Variants in LGALS8 observed in about 807,000 individuals in gnomAD.
LGALS8 encodes galectin 8, also known as galectin-8.
A neutral mutation model predicts 35.9 loss-of-function variants in LGALS8; 30 were observed. The observed-to-expected ratio is 0.83, with a 90% confidence interval of 0.62 to 1.13. The LOEUF is 1.13. Ranked by LOEUF, LGALS8 falls within the 50% of genes most tolerant of loss-of-function variation. The probability of loss-of-function intolerance (pLI) is 0.00; values close to 1 mark genes in which losing one functional copy is unlikely to be tolerated. For missense variants in LGALS8, 366 were observed against 388.7 expected (o/e 0.94, Z 0.49); for synonymous variants, 138 against 136.1 (o/e 1.01, Z -0.10).
chr1:236,526,220 A>G lies in LGALS8; in HGVS notation c.45+105A>G, dbSNP rs374177667. The G allele has an allele frequency of 2.5e-6, 2 of 809,818 alleles. No individual in the cohort carries two copies. Among genetic ancestry groups the G allele is most frequent in the South Asian group, 1.6e-5 (1 of 63,658 alleles). The allele number at this position is 809,818 out of a possible 1,614,324, so 50.2% of individuals were successfully genotyped here. On this transcript the variant is annotated intron_variant, in intron 2 of 9. Transcript: ENST00000366584. The surrounding 1 kb of genome is among the most constrained non-coding windows in gnomAD (Gnocchi z 4.6). ...GGCAAGAATAAAAGCCAGTGAACAT[A>G]TTTAAAGCACCTACTATGTAATAGA...
intron 2 of LGALS8, among the ~76,000 whole-genome samples, chr1:236,528,109 A>G (rs952469089): frequency 2.7e-5 from 4 of 150,562 alleles, no homozygotes; most frequent in Non-Finnish European, 3.0e-5. Context: ...TCAGCTGGGC[A>G]TGGTGGCTCA....
Position 236,548,822 on chromosome 1 carries a change from C to T in LGALS8, c.*661C>T, listed in dbSNP as rs1662573917. 2.5e-6 allele frequency: 1 copy of T among 397,472 alleles called. No homozygotes were observed. Among genetic ancestry groups the T allele is most frequent in the Admixed American group, 4.4e-5 (1 of 22,720 alleles). The allele number at this position is 397,472 out of a possible 1,614,324, so 24.6% of individuals were successfully genotyped here. ...TGGCTCTATTAGCTGCAAGCTTTAC[C>T]AAGTAATTGGCATGACATCTGAGCA... On this transcript the variant is annotated 3_prime_UTR_variant, in exon 10 of 10. Transcript: ENST00000366584.
chr1:236,543,011 A>G (rs1381849433), intron 7 of LGALS8: 5 of 1,614,096 alleles, frequency 3.1e-6, no homozygotes, highest in Non-Finnish European at 4.2e-6. Context: ...GACTTGCACC[A>G]AAATACCACC....
rs754559090 is a variant in LGALS8 at position 236,547,976 on chromosome 1, G to A, written c.805-36G>A. ...TAACAAACACAAAATTTTAAACTAAGGGGAACCACTAATGGCATGTATCCT... is the reference window on the plus strand; with the variant it reads ...TAACAAACACAAAATTTTAAACTAAAGGGAACCACTAATGGCATGTATCCT... On this transcript the variant is annotated intron_variant, in intron 9 of 9. Transcript: ENST00000366584. 8 of 1,579,942 alleles carry A rather than the reference G, an allele frequency of 5.1e-6. No individual in the cohort carries two copies. In the South Asian group the frequency reaches 6.7e-5, roughly 13 times the overall value.
In LGALS8 at chr1:236,548,000, CTTTCCTTTCAGATGA is replaced by C; in HGVS notation, c.805-10_809del. 1 of 1,607,592 alleles carries C rather than the reference CTTTCCTTTCAGATGA, an allele frequency of 6.2e-7. No individual in the cohort carries two copies. Among genetic ancestry groups the C allele is most frequent in the South Asian group, 1.1e-5 (1 of 90,742 alleles). On this transcript the variant is annotated splice_acceptor_variant and splice_polypyrimidine_tract_variant and coding_sequence_variant and intron_variant, in exon 10 of 10. Coordinates refer to ENST00000366584, the MANE Select transcript of LGALS8 (RefSeq NM_201544.4). LOFTEE classifies it high-confidence loss of function. ...AGGGGAACCACTAATGGCATGTATCCTTTCCTTTCAGATGATAATTTATTGTGATGTTAGAGAATT... is the reference window on the plus strand; with the variant it reads ...AGGGGAACCACTAATGGCATGTATCCTAATTTATTGTGATGTTAGAGAATT...
Position 236,548,456 on chromosome 1 carries a change from A to G in LGALS8, c.*295A>G, listed in dbSNP as rs912339203. 2.9e-5 allele frequency: 11 copies of G among 382,252 alleles called. No individual in the cohort carries two copies. The East Asian group carries it at 4.0e-4, about 14-fold the overall frequency. 23.7% of individuals were successfully genotyped at this position (382,252 alleles called of 1,614,324 possible). On this transcript the variant is annotated 3_prime_UTR_variant, in exon 10 of 10. Coordinates refer to ENST00000366584, the MANE Select transcript of LGALS8 (RefSeq NM_201544.4). ...AACAAGTATTTATGGAGTACCTACT[A>G]TAATACAGTAGCTAACATGTATTGA...
chr1:236,521,191 G>C (rs931702718), upstream of LGALS8, among the ~76,000 whole-genome samples: 8 of 152,232 alleles, frequency 5.3e-5, no homozygotes, highest in African/African-American at 1.9e-4. Flanking sequence ...TAGTATATTA[G>C]CATGACAAAT....
At position 236,526,778 on chromosome 1, in the gene LGALS8, T is replaced by A. The variant is rs1189245750; in HGVS notation, c.45+663T>A. ...TCGAGGTCTGAAAAAGGACAGCCAC[T>A]TTTTTAGTAAACCGCCTAGAAGATT... On this transcript the variant is annotated intron_variant, in intron 2 of 9. Coordinates refer to ENST00000366584, the MANE Select transcript of LGALS8 (RefSeq NM_201544.4). The surrounding 1 kb of genome is among the most constrained non-coding windows in gnomAD (Gnocchi z 4.6). 6.6e-6 allele frequency among the ~76,000 whole-genome samples: 1 copy of A among 152,198 alleles called. No individual in the cohort carries two copies. The highest frequency in any genetic ancestry group is 2.4e-5 in the African/African-American group (1 of 41,462).
At chr1:236,541,887 A>T (rs934662402) in intron 6 of LGALS8, among the ~76,000 whole-genome samples, 177 bp downstream of exon 6, 1 of 152,124 alleles carries the variant, frequency 6.6e-6, no homozygotes, top group Non-Finnish European at 1.5e-5. Flanking sequence ...TTTGCTGATG[A>T]TTCACCTGTC....
chr1:236,529,826 G>A (rs1458696191), intron 2 of LGALS8, among the ~76,000 whole-genome samples: 1 of 151,802 alleles, frequency 6.6e-6, no homozygotes, highest in Non-Finnish European at 1.5e-5. Context: ...TTGTTCTTTT[G>A]TATTTTAGTA....
chr1:236,525,856 C>A (rs772342443), intron 1 of LGALS8, 112 bp from the exon 2 acceptor site: 13 of 403,384 alleles, frequency 3.2e-5, no homozygotes, highest in Non-Finnish European at 4.4e-5. Context: ...TAATAATATT[C>A]TATTATTTGG....
In LGALS8 at chr1:236,539,090, G is replaced by A. The variant is rs1661777075; in HGVS notation, c.345+1G>A. 4 of 1,613,242 alleles carry A rather than the reference G, an allele frequency of 2.5e-6. No homozygotes were observed. In the East Asian group the frequency reaches 8.9e-5, roughly 36 times the overall value. On this transcript the variant is annotated splice_donor_variant, in intron 4 of 9. Coordinates refer to ENST00000366584, the MANE Select transcript of LGALS8 (RefSeq NM_201544.4). LOFTEE classifies it high-confidence loss of function. ...TATGGTGCTGAAGGACAAATTCCAG[G>A]TAGGTTTTGGAGAGGGACAGGTTGA...
chr1:236,537,206 G>A (rs1423042694), intron 2 of LGALS8, among the ~76,000 whole-genome samples: 1 of 151,642 alleles, frequency 6.6e-6, no homozygotes, highest in African/African-American at 2.4e-5. Flanking sequence ...TAGTAGAGAC[G>A]GGGTTTCACC....
At chr1:236,529,444 T>TGGTGGC (rs1661016802) in intron 2 of LGALS8, among the ~76,000 whole-genome samples, 1 of 151,604 alleles carries the variant, frequency 6.6e-6, no homozygotes, top group Non-Finnish European at 1.5e-5. Context: ...TAGCCGGGCA[T>TGGTGGC]GGTGGCGGTG....
Position 236,537,593 on chromosome 1 carries a change from C to G in LGALS8, c.134+8C>G, listed in dbSNP as rs1385254106. On this transcript the variant is annotated splice_region_variant and intron_variant, in intron 3 of 9. Transcript: ENST00000366584. The stretch of plus-strand genomic sequence containing the variant: ...TCCTAGTGACGCAGACAGGTAAAAT[C>G]ACTGTGCTAAAGGAAGGAGCATGAA... 1 of 1,572,688 alleles carries G rather than the reference C, an allele frequency of 6.4e-7. No individual in the cohort carries two copies. The highest frequency in any genetic ancestry group is 8.8e-7 in the Non-Finnish European group (1 of 1,141,578).
chr1:236,523,902 G>GGAGACCACAGCAGT, upstream of LGALS8: 1 of 348,970 alleles, frequency 2.9e-6, no homozygotes, highest in South Asian at 2.1e-5. Context: ...GGGAGGGTGG[G>GGAGACCACAGCAGT]GAGACCACAG....
chr1:236,528,621 A>G (rs1660963646), intron 2 of LGALS8, among the ~76,000 whole-genome samples: 1 of 128,306 alleles, frequency 7.8e-6, no homozygotes, highest in African/African-American at 3.0e-5. Context: ...GTGCAGTCTT[A>G]CCCCACTGCA....
At position 236,552,606 on chromosome 1, in the gene LGALS8, T is replaced by C. The variant is rs1662803272; in HGVS notation, c.*4445T>C. The C allele has an allele frequency of 6.6e-6, 1 of 152,266 alleles. No homozygotes were observed. Among genetic ancestry groups the C allele is most frequent in the Non-Finnish European group, 1.5e-5 (1 of 68,066 alleles). The allele number at this position is 152,266 out of a possible 1,614,324, so 9.4% of individuals were successfully genotyped here. On this transcript the variant is annotated 3_prime_UTR_variant, in exon 10 of 10. Transcript: ENST00000366584. ...CCATCTCAGCACTGAATAAAAAACA[T>C]TCTGTGTCACAATATCCTAGTTTTG...
intron 4 of LGALS8, among the ~76,000 whole-genome samples, chr1:236,539,808 C>T (rs972728766): frequency 7.2e-5 from 11 of 152,190 alleles, no homozygotes; most frequent in Admixed American, 5.9e-4. Flanking sequence ...CTTTTGAGCC[C>T]GTGTCTGTAT....
Sources: gnomAD v4.1 joint callset for allele counts (sites outside exome capture counted in the v4.1 genomes callset) on GRCh38, gnomAD v4.1.1 for gene constraint, Gnocchi (gnomAD v3.1) non-coding constraint, MANE v1.5 for transcripts, NCBI Gene and HGNC (gene_info 2026-07-23, HGNC 2026-07-21) for gene names.